The following QRICH2 variants were observed in gnomAD, a reference collection of about 807,000 sequenced individuals.
The protein encoded by QRICH2 is glutamine rich 2.
In QRICH2, 119 loss-of-function variants were observed where a neutral mutation model predicts 168.3. The observed-to-expected ratio is 0.71, with a 90% CI of 0.61 to 0.82. QRICH2 has a LOEUF of 0.82. Ranked by LOEUF, QRICH2 falls within the 40% of genes least tolerant of loss-of-function variation. QRICH2 has a pLI of 0.00. For synonymous variants in QRICH2, 894 were observed against 951.2 expected (o/e 0.94, Z 1.11); for missense variants, 2,241 against 2,491.6 (o/e 0.90, Z 2.14).
At chr17:76,275,205 G>A (rs751601659) in intron 18 of QRICH2, among the ~76,000 whole-genome samples, 5 of 152,134 alleles carry the variant, frequency 3.3e-5, no homozygotes, top group Non-Finnish European at 2.9e-5. Flanking sequence ...GGGGGGGCCT[G>A]ACTCCAAGCA....
chr17:76,288,556 T>C (rs191673998), intron 5 of QRICH2, among the ~76,000 whole-genome samples: 175 of 151,412 alleles, frequency 1.2e-3, no homozygotes, highest in Non-Finnish European at 2.3e-3. Flanking sequence ...AATACTAAAA[T>C]TAGCTGGGCA....
At chr17:76,289,635 A>G (rs1598488891) in intron 5 of QRICH2, among the ~76,000 whole-genome samples, 1 of 151,780 alleles carries the variant, frequency 6.6e-6, no homozygotes, top group African/African-American at 2.4e-5. Flanking sequence ...TGCTATTATT[A>G]GCATTAAAAG....
At position 76,274,133 on chromosome 17, in the gene QRICH2, A is replaced by C. The variant is rs748505557; in HGVS notation, c.5610T>G (p.Pro1870=). 12 of 1,591,674 alleles carry C rather than the reference A, an allele frequency of 7.5e-6. No homozygotes were observed. The Admixed American group carries it at 2.2e-4, about 29-fold the overall frequency. ...GCGTGGGCTCCTCGAGCCCCTCCCC[A>C]GGAGGCATGTCCACGTGCCTCTCCA... The part of the protein sequence containing the change: ...RGLERHVDMP[P]GEGLEEPTRG... The change falls in exon 19 of 19, where the codon CCT becomes CCG. Residue 1870 remains proline (P), a synonymous_variant. Transcript: ENST00000680821.
At chr17:76,285,980 G>A (rs1053142180) in intron 7 of QRICH2, among the ~76,000 whole-genome samples, 3 of 152,004 alleles carry the variant, frequency 2.0e-5, no homozygotes, top group East Asian at 3.9e-4. Flanking sequence ...AGACCATCCT[G>A]GCTAACACAG....
intron 13 of QRICH2, 24 bp downstream of exon 13, chr17:76,279,339 C>T (rs766349937): frequency 2.0e-5 from 32 of 1,603,446 alleles, no homozygotes; most frequent in African/African-American, 9.4e-5. Flanking sequence ...TGCGAGGCCA[C>T]GTGCCGGCGG....
At chr17:76,297,870 G>GTTTT (rs1169251679) in intron 3 of QRICH2, among the ~76,000 whole-genome samples, 7 of 79,476 alleles carry the variant, frequency 8.8e-5, no homozygotes, top group Non-Finnish European at 1.6e-4. Context: ...TTAGGAATCT[G>GTTTT]TTTTTTTTTT....
rs757316306 is a variant in QRICH2 at position 76,280,115 on chromosome 17, C to T, written c.4666G>A (p.Glu1556Lys). The T allele has an allele frequency of 6.2e-7, 1 of 1,613,922 alleles. No homozygotes were observed. The change falls in exon 12 of 19, where the codon GAG (glutamate) becomes AAG (lysine). Residue 1556 changes from glutamate (E) to lysine (K), a missense_variant. Physicochemically the swap from Glu to Lys is moderately conservative, Grantham distance 56. Transcript: ENST00000680821. The surrounding 1 kb of genome is among the most constrained non-coding windows in gnomAD (Gnocchi z 7.4). ...LELDPVKQLL[E>K]DRWKSLRQQL... is the part of the protein sequence containing the mutation. ...TGTCGCAGCGATTTCCACCGATCCT[C>T]CAGCAACTGCTTCACTGGGTCCAGC...
At chr17:76,279,897 C>G in intron 12 of QRICH2, 136 bp downstream of exon 12, 3 of 1,061,100 alleles carry the variant, frequency 2.8e-6, no homozygotes, top group Middle Eastern at 6.4e-4. Flanking sequence ...AAAATTCTGT[C>G]CCTCCAACCA....
rs138724715 is a variant in QRICH2 at position 76,282,630 on chromosome 17, C to T, written c.4012-515G>A. On this transcript the variant is annotated intron_variant, in intron 7 of 18. Transcript: ENST00000680821. ...GGTGCTGACACTGCTCCAGGGGCCT[C>T]TCCAAGGCTGGGCGGTGCAAACCCC... Among the ~76,000 whole-genome samples the T allele has an allele frequency of 4.6e-3, 700 of 152,340 alleles. 4 individuals are homozygous for T. Among genetic ancestry groups the T allele is most frequent in the South Asian group, 0.02 (95 of 4,830 alleles).
At position 76,307,806 on chromosome 17, in the gene QRICH2, G is replaced by A. The variant is rs1434366455; in HGVS notation, c.193C>T (p.Arg65Trp). ...PEPSRSLQSV[R>W]SSFSIPHLPA... ...AGGTGCGGGATGCTGAACGAGCTCC[G>A]GACGGACTGCAGCGAGCGGCTGGGC... is the stretch of plus-strand genomic sequence containing the variant. The change falls in exon 1 of 19, where the codon CGG becomes TGG. Residue 65 changes from arginine (R) to tryptophan (W), a missense_variant. This residue lies in a region of QRICH2 where 2,047 missense variants were observed against 2,303.8 expected (regional missense o/e 0.89). Transcript: ENST00000680821. This position sits in a 1 kb window ranked among gnomAD's most constrained non-coding sequence, Gnocchi z 5.3. 1.3e-5 allele frequency: 17 copies of A among 1,333,432 alleles called. No homozygotes were observed. The Admixed American group carries it at 1.8e-4, about 14-fold the overall frequency. The allele number at this position is 1,333,432 out of a possible 1,614,324, so 82.6% of individuals were successfully genotyped here.
rs2071049947 is a variant in QRICH2, at chr17:76,293,453, G to T, written c.1274C>A (p.Pro425His). Residue 425 changes from proline to histidine, a missense_variant, in exon 4 of 19, where the codon CCT (proline) becomes CAT (histidine). By Grantham distance (77) the Pro-to-His change is moderately conservative (BLOSUM62 -2). Transcript: ENST00000680821. ...TATCAATTCCCGATCATCCATTTCAGGTGGTGGCACACCAAGCTGACCCAT... is the reference window on the plus strand; with the variant it reads ...TATCAATTCCCGATCATCCATTTCATGTGGTGGCACACCAAGCTGACCCAT... Reference protein sequence around the residue: ...LSMGQLGVPPPEMDDRELIPF... With the variant: ...LSMGQLGVPPHEMDDRELIPF... 1 of 1,614,206 alleles carries T rather than the reference G, an allele frequency of 6.2e-7. No homozygotes were observed. The highest frequency in any genetic ancestry group is 1.3e-5 in the African/African-American group (1 of 75,056).
rs1335131859 is a variant in QRICH2, at chr17:76,307,554, C to G, written c.445G>C (p.Glu149Gln). 119 of 1,590,360 alleles carry G rather than the reference C, an allele frequency of 7.5e-5. 1 individual carries two copies. The highest frequency in any genetic ancestry group is 5.7e-5 in the Non-Finnish European group (67 of 1,168,992). The stretch of plus-strand genomic sequence containing the variant: ...GCCCGCACGCCCACCTCCTGCTCCT[C>G]CGGCCACTCTAGCGCGGCCAGGTCA... ...GLDLAALEWP[E>Q]EQEVGVRAFD... Residue 149 changes from glutamate to glutamine, a missense_variant, in exon 1 of 19, where the codon GAG becomes CAG. Physicochemically the swap from Glu to Gln is conservative, Grantham distance 29. Coordinates refer to ENST00000680821, the MANE Select transcript of QRICH2 (RefSeq NM_001388453.1). The surrounding 1 kb of genome is among the most constrained non-coding windows in gnomAD (Gnocchi z 5.3).
chr17:76,308,844 G>C (rs1233660358), upstream of QRICH2, among the ~76,000 whole-genome samples: 1 of 151,740 alleles, frequency 6.6e-6, no homozygotes, highest in African/African-American at 2.4e-5. Context: ...CTCCCGGGTT[G>C]ACATGATTCT....
intron 3 of QRICH2, among the ~76,000 whole-genome samples, chr17:76,301,174 A>G (rs533155381): frequency 7.7e-4 from 116 of 151,612 alleles, no homozygotes; most frequent in Non-Finnish European, 1.2e-3. Flanking sequence ...CCCTTATGGT[A>G]CCACTGCACT....
chr17:76,293,816 C>T lies in QRICH2; in HGVS notation c.911G>A (p.Ser304Asn), dbSNP rs751284002. ...TCTCCCAGTACCAGAGGGGACCTTG[C>T]TTTGTTCCCTACTGGAAACCCCATC... The part of the protein sequence containing the change: ...PSDGVSSREQ[S>N]KVPSGTGRQQ... The change falls in exon 4 of 19, where the codon AGC (serine) becomes AAC (asparagine). Residue 304 changes from serine to asparagine, a missense_variant. Transcript: ENST00000680821. 1.9e-6 allele frequency: 3 copies of T among 1,613,932 alleles called. No homozygotes were observed. The highest frequency in any genetic ancestry group is 2.5e-6 in the Non-Finnish European group (3 of 1,179,988).
At chr17:76,274,382 G>T in intron 18 of QRICH2, 122 bp from the exon 19 acceptor site, 2 of 1,063,906 alleles carry the variant, frequency 1.9e-6, no homozygotes, top group Non-Finnish European at 2.7e-6. Context: ...GGCTGACACA[G>T]GCTGGAGGGG....
intron 7 of QRICH2, among the ~76,000 whole-genome samples, chr17:76,284,194 A>AAAAAAAAAAAAAAAAAG (rs2070840688): frequency 7.3e-6 from 1 of 137,186 alleles, no homozygotes; most frequent in Non-Finnish European, 1.5e-5. Flanking sequence ...AAAAAAAAAA[A>AAAAAAAAAAAAAAAAAG]AATGCACAAA....
intron 5 of QRICH2, among the ~76,000 whole-genome samples, chr17:76,289,666 G>A (rs561643424): frequency 1.7e-4 from 26 of 151,912 alleles, no homozygotes; most frequent in South Asian, 1.1e-3. Context: ...GGCTGGGCAC[G>A]GTGGCTCACG....
Position 76,280,715 on chromosome 17 carries a change from C to T in QRICH2, c.4400G>A (p.Gly1467Asp). The change falls in exon 10 of 19, where the codon GGT (glycine) becomes GAT (aspartate). Residue 1467 changes from glycine to aspartate, a missense_variant. Around this residue, in one of 3 missense-constraint regions of QRICH2, gnomAD observed 2,047 missense variants for 2,303.8 expected, o/e 0.89. Transcript: ENST00000680821. This position sits in a 1 kb window ranked among gnomAD's most constrained non-coding sequence, Gnocchi z 7.4. Reference sequence around the variant, plus strand: ...CTTTTCCTTTTCGAGCTTCTCCAGACCCTGGTACAGCATCTGGGGAGGCCA... The same window carrying T: ...CTTTTCCTTTTCGAGCTTCTCCAGATCCTGGTACAGCATCTGGGGAGGCCA... ...KQKDIAMLYQGLEKLEKEKAN... is the reference protein window; with the variant it reads ...KQKDIAMLYQDLEKLEKEKAN... 6.2e-7 allele frequency: 1 copy of T among 1,614,172 alleles called. No homozygotes were observed. Among genetic ancestry groups the T allele is most frequent in the East Asian group, 2.2e-5 (1 of 44,886 alleles).
Sources: allele counts gnomAD v4.1 joint callset (sites outside exome capture counted in the v4.1 genomes callset), GRCh38; gene constraint gnomAD v4.1.1; regional missense constraint gnomAD v4.1.1; non-coding constraint Gnocchi (gnomAD v3.1); transcripts MANE v1.5; gene names NCBI Gene and HGNC (gene_info 2026-07-23, HGNC 2026-07-21).